Variants in SPATA17 observed in about 807,000 individuals in gnomAD.
SPATA17 encodes spermatogenesis associated 17.
A neutral mutation model predicts 62.2 loss-of-function variants in SPATA17; 53 were observed. The observed-to-expected ratio is 0.85, with a 90% CI of 0.68 to 1.07. The LOEUF (loss-of-function observed/expected upper bound fraction) is 1.07, where lower values mean the gene tolerates loss of function less well. SPATA17 is among the 50% of genes least tolerant of loss of function. The pLI, the probability that SPATA17 is intolerant of heterozygous loss-of-function variation, is 0.00. For synonymous variants in SPATA17, 146 were observed against 146.8 expected (o/e 0.99, Z 0.04); for missense variants, 466 against 425.5 (o/e 1.10, Z -0.84).
chr1:217,688,836 G>A (rs1039911087), intron 5 of SPATA17, among the ~76,000 whole-genome samples: 2 of 151,992 alleles, frequency 1.3e-5, no homozygotes, highest in African/African-American at 4.8e-5. Flanking sequence ...GAAATCGGTG[G>A]GGGAAAGGAG....
At chr1:217,739,375 A>T (rs1159212260) in intron 5 of SPATA17, 1 of 152,190 alleles carries the variant, frequency 6.6e-6, no homozygotes, top group African/African-American at 2.4e-5. Context: ...TCTGCCATTA[A>T]CTTATTTGTT....
intron 4 of SPATA17, among the ~76,000 whole-genome samples, chr1:217,682,799 T>C (rs1300645410): frequency 6.6e-6 from 1 of 152,144 alleles, no homozygotes; most frequent in Admixed American, 6.5e-5. Flanking sequence ...ATAATTAAGA[T>C]ACAAGAATTT....
intron 4 of SPATA17, among the ~76,000 whole-genome samples, chr1:217,672,815 A>G (rs1670860930): frequency 6.6e-6 from 1 of 152,062 alleles, no homozygotes; most frequent in African/African-American, 2.4e-5. Flanking sequence ...CTTCTGTTAT[A>G]GAACCTGTAA....
chr1:217,716,523 AGT>A (rs1672007245), intron 5 of SPATA17, among the ~76,000 whole-genome samples: 1 of 152,252 alleles, frequency 6.6e-6, no homozygotes, highest in Non-Finnish European at 1.5e-5. Flanking sequence ...ATTGGGATTG[AGT>A]AGATGCTTGC....
intron 9 of SPATA17, among the ~76,000 whole-genome samples, chr1:217,810,296 C>T (rs973028016): frequency 1.6e-4 from 24 of 152,078 alleles, no homozygotes; most frequent in African/African-American, 5.8e-4. Flanking sequence ...TTTTAGAAGG[C>T]ATACATACTT....
intron 5 of SPATA17, among the ~76,000 whole-genome samples, chr1:217,688,475 T>C (rs1288587427): frequency 6.6e-6 from 1 of 152,206 alleles, no homozygotes; most frequent in East Asian, 1.9e-4. Flanking sequence ...TTAAGTCATT[T>C]TTCTCTGCTT....
chr1:217,850,461 G>C, intron 9 of SPATA17: 1 of 1,310,650 alleles, frequency 7.6e-7, no homozygotes, highest in South Asian at 1.2e-5. Context: ...GGATGTTGTA[G>C]TCAGAAAGAG....
chr1:217,709,773 T>G (rs1671815799), intron 5 of SPATA17, among the ~76,000 whole-genome samples: 1 of 152,224 alleles, frequency 6.6e-6, no homozygotes, highest in African/African-American at 2.4e-5. Context: ...ATGTTGATTT[T>G]CAGCATTTTG....
intron 8 of SPATA17, among the ~76,000 whole-genome samples, chr1:217,794,623 G>A (rs1465376633): frequency 3.9e-5 from 6 of 152,090 alleles, no homozygotes; most frequent in African/African-American, 1.2e-4. Flanking sequence ...AGATTTTACC[G>A]CTTATAGCAA....
intron 9 of SPATA17, among the ~76,000 whole-genome samples, chr1:217,817,372 T>C (rs1324516110): frequency 6.6e-6 from 1 of 152,064 alleles, no homozygotes; most frequent in African/African-American, 2.4e-5. Context: ...TCTGACAGTT[T>C]TATAAGAGGT....
chr1:217,728,140 CTTAT>C (rs1672312242), intron 5 of SPATA17, among the ~76,000 whole-genome samples: 1 of 151,980 alleles, frequency 6.6e-6, no homozygotes, highest in African/African-American at 2.4e-5. Flanking sequence ...GTTTTTAAAA[CTTAT>C]TTATTTAGTT....
intron 6 of SPATA17, among the ~76,000 whole-genome samples, chr1:217,756,792 G>A (rs1673054257): frequency 6.6e-6 from 1 of 152,084 alleles, no homozygotes; most frequent in Non-Finnish European, 1.5e-5. Flanking sequence ...ATGAAGAGAG[G>A]AATAAGTGGG....
At chr1:217,842,580 T>C (rs972163248) in intron 9 of SPATA17, among the ~76,000 whole-genome samples, 4 of 151,982 alleles carry the variant, frequency 2.6e-5, no homozygotes, top group Non-Finnish European at 5.9e-5. Context: ...TTGCTCATGA[T>C]CCATTTTATT....
intron 3 of SPATA17, among the ~76,000 whole-genome samples, chr1:217,657,752 G>C (rs1670475140): frequency 1.3e-5 from 2 of 152,140 alleles, no homozygotes; most frequent in African/African-American, 4.8e-5. Context: ...TCTTAGTCCT[G>C]TATGTAAAAG....
rs751559163 is a variant in SPATA17 at position 217,741,959 on chromosome 1, G to A, written c.396-16G>A. 1.9e-6 allele frequency: 3 copies of A among 1,613,566 alleles called. No individual in the cohort carries two copies. The Admixed American group carries it at 5.0e-5, about 27-fold the overall frequency. ...ACACATAGTATCATAAATAACTGCA[G>A]ATGGTTTTGATGCAGGAAGGCACTG... On this transcript the variant is annotated splice_polypyrimidine_tract_variant and intron_variant, in intron 5 of 10. Coordinates refer to ENST00000366933, the MANE Select transcript of SPATA17 (RefSeq NM_138796.4).
chr1:217,657,594 T>G (rs138507565), intron 3 of SPATA17, among the ~76,000 whole-genome samples: 2,439 of 152,326 alleles, frequency 0.016, 33 homozygotes, highest in Non-Finnish European at 0.024. Flanking sequence ...TTTCTTAATT[T>G]CTGCTGCATA....
At chr1:217,840,874 T>A (rs995725452) in intron 9 of SPATA17, among the ~76,000 whole-genome samples, 5 of 151,566 alleles carry the variant, frequency 3.3e-5, no homozygotes, top group Non-Finnish European at 7.4e-5. Context: ...AATAAATAAA[T>A]AAAATAATAA....
chr1:217,795,528 C>T (rs1674113904), intron 8 of SPATA17, among the ~76,000 whole-genome samples: 1 of 151,826 alleles, frequency 6.6e-6, no homozygotes, highest in East Asian at 1.9e-4. Context: ...CACCACTACA[C>T]CTGGCTAATT....
intron 1 of SPATA17, among the ~76,000 whole-genome samples, chr1:217,648,381 A>T (rs535199669): frequency 6.6e-5 from 10 of 152,208 alleles, no homozygotes; most frequent in Non-Finnish European, 1.2e-4. Flanking sequence ...TGCCTCCTTT[A>T]ATTAAACAGA....
Sources: allele counts gnomAD v4.1 joint callset (sites outside exome capture counted in the v4.1 genomes callset), GRCh38; gene constraint gnomAD v4.1.1; transcripts MANE v1.5; gene names NCBI Gene and HGNC (gene_info 2026-07-23, HGNC 2026-07-21).